The following RNF180 variants were observed in gnomAD, a reference collection of about 807,000 sequenced individuals.
RNF180 encodes the protein E3 ubiquitin-protein ligase RNF180.
Under a neutral mutation model 59.2 loss-of-function variants are expected in RNF180, and 38 were observed. The ratio of observed to expected loss-of-function variants is 0.64; its 90% CI spans 0.50 to 0.84. RNF180 has a LOEUF of 0.84. RNF180 is among the 40% of genes least tolerant of loss of function. The pLI is 0.00. For synonymous variants in RNF180, 262 were observed against 240.3 expected, an observed-to-expected ratio of 1.09 and a Z score of -0.84; for missense variants, 705 against 700.9, an observed-to-expected ratio of 1.01 and a Z score of -0.07.
At chr5:64,196,436 TTTG>T (rs1364980298) in intron 1 of RNF180, among the ~76,000 whole-genome samples, 1 of 152,096 alleles carries the variant, frequency 6.6e-6, no homozygotes, top group African/African-American at 2.4e-5. Context: ...GTTTTTTGGT[TTTG>T]TTTTTCATTT....
intron 5 of RNF180, among the ~76,000 whole-genome samples, chr5:64,258,869 G>A (rs1379177422): frequency 6.6e-6 from 1 of 152,192 alleles, no homozygotes; most frequent in Non-Finnish European, 1.5e-5. Flanking sequence ...CCATCATTAA[G>A]GGATGGAATA....
At chr5:64,201,738 C>T (rs979819344) in intron 2 of RNF180, among the ~76,000 whole-genome samples, 1 of 152,198 alleles carries the variant, frequency 6.6e-6, no homozygotes, top group Non-Finnish European at 1.5e-5. Flanking sequence ...ATACTTACTA[C>T]ATGCCAAATA....
At chr5:64,183,616 T>G (rs931846810) in intron 1 of RNF180, among the ~76,000 whole-genome samples, 6 of 151,866 alleles carry the variant, frequency 4.0e-5, no homozygotes, top group African/African-American at 1.5e-4. Flanking sequence ...CCTGGCTAAT[T>G]TTTGTATTTT....
At chr5:64,248,103 TAACTC>T (rs1394725284) in intron 5 of RNF180, among the ~76,000 whole-genome samples, 2 of 152,014 alleles carry the variant, frequency 1.3e-5, no homozygotes, top group African/African-American at 2.4e-5. Flanking sequence ...ATACAAAAAT[TAACTC>T]AAGGTGGATT....
chr5:64,196,720 A>ATTTTATATTGTCT (rs1335768493), intron 1 of RNF180, among the ~76,000 whole-genome samples: 2 of 151,972 alleles, frequency 1.3e-5, no homozygotes, highest in Admixed American at 6.6e-5. Context: ...CTCCTTGTCT[A>ATTTTATATTGTCT]GTTTTATATT....
Position 64,301,215 on chromosome 5 carries a change from A to G in RNF180, c.1228-23971A>G, listed in dbSNP as rs1027384138. 1.5e-4 allele frequency among the ~76,000 whole-genome samples: 23 copies of G among 151,806 alleles called. No homozygotes were observed. In the East Asian group the frequency reaches 1.7e-3, roughly 11 times the overall value. ...AGCAATAAGAACAAATGGTAAATGA[A>G]CAAACCCAAGTATGACAATTAAATT... On this transcript the variant is annotated intron_variant, in intron 5 of 7. Transcript: ENST00000389100.
intron 7 of RNF180, among the ~76,000 whole-genome samples, chr5:64,356,065 G>T (rs1746009052): frequency 6.6e-6 from 1 of 151,656 alleles, no homozygotes; most frequent in African/African-American, 2.4e-5. Context: ...AGACCAACCT[G>T]GGCAACATAA....
intron 5 of RNF180, among the ~76,000 whole-genome samples, chr5:64,242,759 C>G (rs1742877873): frequency 6.6e-6 from 1 of 152,140 alleles, no homozygotes; most frequent in East Asian, 1.9e-4. Context: ...AAGACTGCCT[C>G]AAGACATATA....
intron 7 of RNF180, among the ~76,000 whole-genome samples, chr5:64,340,006 G>A (rs988093689): frequency 6.6e-6 from 1 of 152,060 alleles, no homozygotes; most frequent in Non-Finnish European, 1.5e-5. Flanking sequence ...TCTGTCAATT[G>A]TAATTCCTTT....
intron 1 of RNF180, among the ~76,000 whole-genome samples, chr5:64,187,651 A>G (rs926726812): frequency 9.2e-5 from 14 of 152,306 alleles, no homozygotes; most frequent in African/African-American, 2.9e-4. Flanking sequence ...GACACCGTCT[A>G]TTTGTGTAGA....
At chr5:64,249,922 A>G (rs1743454246) in intron 5 of RNF180, among the ~76,000 whole-genome samples, 1 of 152,154 alleles carries the variant, frequency 6.6e-6, no homozygotes, top group Non-Finnish European at 1.5e-5. Context: ...ATCATCCATC[A>G]ATAAGGAAAC....
intron 7 of RNF180, among the ~76,000 whole-genome samples, chr5:64,359,343 G>A (rs1746153666): frequency 6.7e-6 from 1 of 149,190 alleles, no homozygotes; most frequent in African/African-American, 2.5e-5. Context: ...GGTGTGAGAT[G>A]GTATCTCATT....
chr5:64,327,312 T>G (rs905966686), intron 6 of RNF180, among the ~76,000 whole-genome samples: 3 of 152,096 alleles, frequency 2.0e-5, no homozygotes, highest in Non-Finnish European at 2.9e-5. Context: ...TATTATTTCT[T>G]TCCTTCTAAT....
intron 7 of RNF180, among the ~76,000 whole-genome samples, chr5:64,338,496 G>A (rs1010868190): frequency 5.9e-5 from 9 of 151,954 alleles, no homozygotes; most frequent in African/African-American, 1.2e-4. Context: ...TTAGCCTGGC[G>A]TGGTGGCGGG....
intron 2 of RNF180, among the ~76,000 whole-genome samples, chr5:64,201,795 A>G (rs1220168309): frequency 6.6e-6 from 1 of 152,170 alleles, no homozygotes; most frequent in Admixed American, 6.5e-5. Flanking sequence ...GCTGGAGTGC[A>G]GTGGCGTGAT....
At chr5:64,245,664 A>G (rs1196827047) in intron 5 of RNF180, among the ~76,000 whole-genome samples, 4 of 152,208 alleles carry the variant, frequency 2.6e-5, no homozygotes, top group South Asian at 2.1e-4. Flanking sequence ...ACACAATACT[A>G]GAGGGAGACT....
chr5:64,189,293 T>A (rs1283010408), intron 1 of RNF180, among the ~76,000 whole-genome samples: 1 of 152,066 alleles, frequency 6.6e-6, no homozygotes, highest in Non-Finnish European at 1.5e-5. Flanking sequence ...CACTTTGGAA[T>A]TAGGTAACAT....
intron 5 of RNF180, among the ~76,000 whole-genome samples, chr5:64,258,821 G>GA (rs1744147306): frequency 6.6e-6 from 1 of 152,162 alleles, no homozygotes; most frequent in African/African-American, 2.4e-5. Flanking sequence ...TGGGTAATGT[G>GA]AAAAATGAAA....
intron 7 of RNF180, among the ~76,000 whole-genome samples, chr5:64,367,041 A>G (rs1746480310): frequency 6.6e-6 from 1 of 151,596 alleles, no homozygotes; most frequent in Non-Finnish European, 1.5e-5. Context: ...TAGAAACCTT[A>G]CAGGCCAGAG....
Sources: gnomAD v4.1 joint callset for allele counts (sites outside exome capture counted in the v4.1 genomes callset) on GRCh38, gnomAD v4.1.1 for gene constraint, MANE v1.5 for transcripts, NCBI Gene and HGNC (gene_info 2026-07-23, HGNC 2026-07-21) for gene names.